The following HERC4 variants were observed in gnomAD, a reference collection of about 807,000 sequenced individuals.
HERC4 encodes probable E3 ubiquitin-protein ligase HERC4.
A neutral mutation model predicts 124.3 loss-of-function variants in HERC4; 28 were observed. That is an observed-to-expected ratio of 0.23 (90% CI 0.17 to 0.31). The LOEUF (loss-of-function observed/expected upper bound fraction) is 0.31. Ranked by LOEUF, HERC4 falls within the 10% of genes least tolerant of loss-of-function variation. The pLI is 1.00. For synonymous variants in HERC4, 407 were observed against 421.5 expected, an observed-to-expected ratio of 0.97 and a Z score of 0.42; for missense variants, 713 against 1,229.3, an observed-to-expected ratio of 0.58 and a Z score of 6.28.
intron 3 of HERC4, among the ~76,000 whole-genome samples, chr10:68,071,104 G>C (rs1400856741): frequency 6.6e-6 from 1 of 152,170 alleles, no homozygotes; most frequent in Non-Finnish European, 1.5e-5. Context: ...GGACAACAAT[G>C]AGGCAATCCT....
At chr10:67,955,638 GTGTGT>G in intron 17 of HERC4, 1 of 152,810 alleles carries the variant, frequency 6.5e-6, no homozygotes, top group Non-Finnish European at 1.5e-5. Flanking sequence ...GGGCGTGGTG[GTGTGT>G]GCCTGTAATC....
chr10:68,012,182 G>A (rs1243118969), intron 9 of HERC4, among the ~76,000 whole-genome samples: 1 of 151,958 alleles, frequency 6.6e-6, no homozygotes, highest in Non-Finnish European at 1.5e-5. Flanking sequence ...TTTTCTATTC[G>A]GACTACTAAA....
intron 23 of HERC4, among the ~76,000 whole-genome samples, chr10:67,931,709 G>A (rs558506395): frequency 6.6e-6 from 1 of 152,260 alleles, no homozygotes; most frequent in African/African-American, 2.4e-5. Flanking sequence ...ACAGGCATGA[G>A]CCATCGCGCC....
intron 13 of HERC4, among the ~76,000 whole-genome samples, 181 bp downstream of exon 13, chr10:67,990,723 A>T (rs2132761338): frequency 6.6e-6 from 1 of 152,294 alleles, no homozygotes; most frequent in East Asian, 1.9e-4. Context: ...TGCTTCAAAC[A>T]TCTGAAAAGA....
intron 24 of HERC4, among the ~76,000 whole-genome samples, chr10:67,923,595 AG>A (rs1183960083): frequency 6.6e-6 from 1 of 151,874 alleles, no homozygotes; most frequent in Non-Finnish European, 1.5e-5. Flanking sequence ...AGTCTTGCTC[AG>A]TTGCCCAGGC....
At chr10:67,968,660 C>A (rs1233897712) in intron 15 of HERC4, among the ~76,000 whole-genome samples, 1 of 152,100 alleles carries the variant, frequency 6.6e-6, no homozygotes. Context: ...CAGGTGTGAG[C>A]CACCGCGCCT....
intron 15 of HERC4, among the ~76,000 whole-genome samples, chr10:67,980,476 T>C (rs2035864073): frequency 6.6e-6 from 1 of 152,158 alleles, no homozygotes; most frequent in African/African-American, 2.4e-5. Flanking sequence ...GCTGAGGAAT[T>C]TTATCAACAC....
chr10:67,943,211 C>T (rs2033060512), intron 19 of HERC4, among the ~76,000 whole-genome samples: 1 of 152,088 alleles, frequency 6.6e-6, no homozygotes, highest in South Asian at 2.1e-4. Flanking sequence ...GCTGTTATGT[C>T]TTAATTCTGT....
intron 4 of HERC4, chr10:68,040,065 C>T (rs1218393900): frequency 5.0e-5 from 39 of 783,646 alleles, no homozygotes; most frequent in Admixed American, 1.2e-4. Context: ...CTGGCACCTA[C>T]TATAGTGCCT....
intron 3 of HERC4, among the ~76,000 whole-genome samples, chr10:68,049,303 T>A (rs1410158601): frequency 6.6e-6 from 1 of 152,178 alleles, no homozygotes; most frequent in East Asian, 1.9e-4. Context: ...TGATTTGCTA[T>A]TTTTTGTGTA....
chr10:67,996,896 G>A (rs1375697698), intron 9 of HERC4, among the ~76,000 whole-genome samples: 1 of 152,032 alleles, frequency 6.6e-6, no homozygotes. Context: ...GCTGAGGCAG[G>A]AGAATGGCAA....
At chr10:67,974,890 T>A (rs1418552094) in intron 15 of HERC4, among the ~76,000 whole-genome samples, 1 of 152,134 alleles carries the variant, frequency 6.6e-6, no homozygotes, top group Non-Finnish European at 1.5e-5. Flanking sequence ...AGACTCTACC[T>A]TAAAATTCAC....
chr10:68,003,966 C>A (rs1463407789), intron 9 of HERC4, among the ~76,000 whole-genome samples: 1 of 152,164 alleles, frequency 6.6e-6, no homozygotes, highest in Non-Finnish European at 1.5e-5. Flanking sequence ...TACAATCCCA[C>A]CAACTGTATA....
chr10:68,020,335 A>G (rs1448036134), intron 8 of HERC4, among the ~76,000 whole-genome samples: 2 of 152,194 alleles, frequency 1.3e-5, no homozygotes, highest in African/African-American at 4.8e-5. Context: ...TATCCCTGAG[A>G]AAGGTCAAAT....
intron 22 of HERC4, among the ~76,000 whole-genome samples, chr10:67,934,183 C>G (rs189531538): frequency 2.0e-5 from 3 of 152,138 alleles, no homozygotes; most frequent in Admixed American, 2.0e-4. Context: ...CTTTCTACTC[C>G]CCTGTACATC....
intron 15 of HERC4, among the ~76,000 whole-genome samples, chr10:67,967,343 T>A (rs1313176444): frequency 6.6e-6 from 1 of 152,158 alleles, no homozygotes; most frequent in Admixed American, 6.5e-5. Context: ...AGAAAAGACA[T>A]GTCTTTATAA....
chr10:67,982,323 C>T (rs1047119348), intron 15 of HERC4, among the ~76,000 whole-genome samples: 1 of 152,052 alleles, frequency 6.6e-6, no homozygotes, highest in Non-Finnish European at 1.5e-5. Context: ...AACAAATCTA[C>T]ACACCTAAAA....
chr10:67,999,860 T>C (rs910144816), intron 9 of HERC4, among the ~76,000 whole-genome samples: 2 of 152,192 alleles, frequency 1.3e-5, no homozygotes, highest in East Asian at 1.9e-4. Flanking sequence ...GAATTCCATC[T>C]CTTACTAAGT....
At chr10:67,979,763 C>T (rs1425104029) in intron 15 of HERC4, among the ~76,000 whole-genome samples, 1 of 152,158 alleles carries the variant, frequency 6.6e-6, no homozygotes, top group African/African-American at 2.4e-5. Flanking sequence ...GGTGAAACCT[C>T]GTCTCTACTA....
Sources: allele counts gnomAD v4.1 joint callset (sites outside exome capture counted in the v4.1 genomes callset), GRCh38; gene constraint gnomAD v4.1.1; transcripts MANE v1.5; gene names NCBI Gene and HGNC (gene_info 2026-07-23, HGNC 2026-07-21).